RHOA: variants seen among roughly 807,000 people sequenced by gnomAD.
The protein encoded by RHOA is transforming protein RhoA.
In RHOA, 3 loss-of-function variants were observed where a neutral mutation model predicts 17.5. The ratio of observed to expected loss-of-function variants is 0.17; its 90% CI spans 0.08 to 0.44. The LOEUF is 0.44. Among genes scored for constraint, RHOA ranks in the 20% least tolerant of loss-of-function variants. The pLI is 0.99. For synonymous variants in RHOA, 98 were observed against 88.4 expected (o/e 1.11, Z -0.61); for missense variants, 56 against 242.3 (o/e 0.23, Z 5.10).
rs544597838 is a variant in RHOA, at chr3:49,383,276, C to T, written c.-2-7685G>A. Among the ~76,000 whole-genome samples, 7 of 151,540 alleles carry T rather than the reference C, an allele frequency of 4.6e-5. No homozygotes were observed. The South Asian group carries it at 6.2e-4, about 14-fold the overall frequency. On this transcript the variant is annotated intron_variant, in intron 1 of 4. Transcript: ENST00000418115. ...TCTACTAAAAATACAAAAAATTAGC[C>T]GGGCATGGTGGCAGGCGCCTGTAGT...
chr3:49,399,054 CAAAAAAAAAAAAAAAA>C (rs10530558), intron 1 of RHOA, among the ~76,000 whole-genome samples: 53 of 24,844 alleles, frequency 2.1e-3, no homozygotes, highest in Admixed American at 8.8e-3. Context: ...GACTCCGTCT[CAAAAAAAAAAAAAAAA>C]AAAAAAAAAA....
chr3:49,404,611 CAAAAAAAAAAAAA>C (rs71080508), intron 1 of RHOA, among the ~76,000 whole-genome samples: 2 of 33,166 alleles, frequency 6.0e-5, no homozygotes, highest in South Asian at 1.9e-3. Flanking sequence ...GACTCCGTCT[CAAAAAAAAAAAAA>C]AAAAAAAAAA....
intron 1 of RHOA, among the ~76,000 whole-genome samples, chr3:49,410,685 A>G: frequency 6.6e-6 from 1 of 152,230 alleles, no homozygotes; most frequent in East Asian, 1.9e-4. Context: ...CACATTACAC[A>G]TCTGGGTGAT....
chr3:49,403,144 C>CT (rs2048753809), intron 1 of RHOA, among the ~76,000 whole-genome samples: 1 of 152,020 alleles, frequency 6.6e-6, no homozygotes, highest in Non-Finnish European at 1.5e-5. Flanking sequence ...CGAGACCATC[C>CT]TGGCTAACAG....
intron 1 of RHOA, among the ~76,000 whole-genome samples, chr3:49,396,227 T>A (rs1234802942): frequency 3.3e-5 from 5 of 152,052 alleles, no homozygotes; most frequent in African/African-American, 7.2e-5. Flanking sequence ...TAGATGGCAG[T>A]GAATTGAGAA....
intron 1 of RHOA, among the ~76,000 whole-genome samples, chr3:49,411,158 C>A (rs1425599778): frequency 1.3e-5 from 2 of 151,452 alleles, no homozygotes; most frequent in East Asian, 3.8e-4. Context: ...TTTTTTTTTC[C>A]AAATGGAAAA....
chr3:49,377,513 A>C (rs1380759951), intron 1 of RHOA, among the ~76,000 whole-genome samples: 1 of 151,434 alleles, frequency 6.6e-6, no homozygotes, highest in Non-Finnish European at 1.5e-5. Flanking sequence ...TAATCCCCTG[A>C]GCCCTGGAGG....
At chr3:49,382,565 G>A (rs2048335041) in intron 1 of RHOA, among the ~76,000 whole-genome samples, 1 of 152,156 alleles carries the variant, frequency 6.6e-6, no homozygotes, top group Admixed American at 6.6e-5. Context: ...GAGTACAGGA[G>A]GCAGAGGTTG....
At chr3:49,370,806 G>A (rs1336392774) in intron 2 of RHOA, among the ~76,000 whole-genome samples, 1 of 151,978 alleles carries the variant, frequency 6.6e-6, no homozygotes, top group Non-Finnish European at 1.5e-5. Context: ...GGCCCTTTGA[G>A]GCCCAAGAGG....
intron 1 of RHOA, among the ~76,000 whole-genome samples, chr3:49,379,231 G>A (rs912445913): frequency 2.6e-5 from 4 of 152,126 alleles, no homozygotes; most frequent in Non-Finnish European, 4.4e-5. Flanking sequence ...ATATGCTATA[G>A]TATGGATAGA....
At chr3:49,407,312 C>G (rs1318943483) in intron 1 of RHOA, among the ~76,000 whole-genome samples, 11 of 128,122 alleles carry the variant, frequency 8.6e-5, no homozygotes, top group Non-Finnish European at 1.4e-4. Context: ...CTGCTCACAG[C>G]AACCTCCGCC....
In RHOA at chr3:49,384,407, A is replaced by G. The variant is rs1361702600; in HGVS notation, c.-2-8816T>C. ...TTCCAGGCTAGGTTTAGTCTCAGAA[A>G]TAACTTATAAGTTTGGAGTAGAGGT... On this transcript the variant is annotated intron_variant, in intron 1 of 4. Coordinates refer to ENST00000418115, the MANE Select transcript of RHOA (RefSeq NM_001664.4). 2.0e-5 allele frequency among the ~76,000 whole-genome samples: 3 copies of G among 152,242 alleles called. No individual in the cohort carries two copies. The East Asian group carries it at 5.8e-4, about 29-fold the overall frequency.
At chr3:49,378,501 C>T (rs1384694392) in intron 1 of RHOA, among the ~76,000 whole-genome samples, 1 of 152,102 alleles carries the variant, frequency 6.6e-6, no homozygotes, top group African/African-American at 2.4e-5. Context: ...CTCGCCTCGG[C>T]CTCCCACAGT....
intron 1 of RHOA, among the ~76,000 whole-genome samples, chr3:49,378,933 C>T (rs1051446300): frequency 6.6e-6 from 1 of 152,076 alleles, no homozygotes; most frequent in Non-Finnish European, 1.5e-5. Context: ...AAATAAAGAA[C>T]TCTTACAATT....
intron 1 of RHOA, among the ~76,000 whole-genome samples, chr3:49,386,747 C>G (rs947354451): frequency 2.6e-5 from 4 of 152,126 alleles, no homozygotes; most frequent in African/African-American, 9.7e-5. Context: ...CTTAACTTCA[C>G]AAACTCAGTC....
chr3:49,369,672 T>G (rs1575648531), intron 2 of RHOA, among the ~76,000 whole-genome samples: 1 of 151,624 alleles, frequency 6.6e-6, no homozygotes, highest in Admixed American at 6.6e-5. Context: ...GAGGCAAAGG[T>G]TGCAGTGAGC....
chr3:49,392,951 T>A (rs952474056), intron 1 of RHOA, among the ~76,000 whole-genome samples: 1 of 151,380 alleles, frequency 6.6e-6, no homozygotes, highest in African/African-American at 2.4e-5. Flanking sequence ...TCAAGGGGGG[T>A]AGATCAGCTG....
intron 3 of RHOA, among the ~76,000 whole-genome samples, chr3:49,367,300 G>C (rs867972677): frequency 7.6e-6 from 1 of 131,220 alleles, no homozygotes; most frequent in South Asian, 2.7e-4. Flanking sequence ...CTGAGATCAA[G>C]CTGCTGCAAT....
At position 49,403,546 on chromosome 3, in the gene RHOA, C is replaced by T. The variant is rs1392290806; in HGVS notation, c.-3+8274G>A. 1.1e-4 allele frequency among the ~76,000 whole-genome samples: 17 copies of T among 150,644 alleles called. No individual in the cohort carries two copies. In the Admixed American group the frequency reaches 1.1e-3, roughly 10 times the overall value. ...TCTGAGCACATAGTGAGACCCCTCTCTCTACAAAAAAAAAAATTACAAAAT... is the reference window on the plus strand; with the variant it reads ...TCTGAGCACATAGTGAGACCCCTCTTTCTACAAAAAAAAAAATTACAAAAT... On this transcript the variant is annotated intron_variant, in intron 1 of 4. Transcript: ENST00000418115.
Sources: gnomAD v4.1 joint callset for allele counts (sites outside exome capture counted in the v4.1 genomes callset) on GRCh38, gnomAD v4.1.1 for gene constraint, MANE v1.5 for transcripts, NCBI Gene and HGNC (gene_info 2026-07-23, HGNC 2026-07-21) for gene names.